Variants in TMEM114 observed in about 807,000 individuals in gnomAD.
The protein encoded by TMEM114 is transmembrane protein 114.
A neutral mutation model predicts 6.2 loss-of-function variants in TMEM114; 6 were observed. The ratio of observed to expected loss-of-function variants is 0.97; its 90% CI spans 0.53 to 1.91. The LOEUF is 1.91. Ranked by LOEUF, TMEM114 falls within the 40% of genes most tolerant of loss-of-function variation. TMEM114 has a pLI of 0.01. For missense variants in TMEM114, 218 were observed against 158.3 expected, an observed-to-expected ratio of 1.38 and a Z score of -2.02; for synonymous variants, 104 against 73.0, an observed-to-expected ratio of 1.42 and a Z score of -2.16.
downstream of TMEM114, among the ~76,000 whole-genome samples, chr16:8,567,430 G>A (rs940985752): frequency 6.6e-6 from 1 of 152,214 alleles, no homozygotes; most frequent in African/African-American, 2.4e-5. Context: ...GCGAATGAAT[G>A]AGCTTATTCT....
the TMEM114 span, among the ~76,000 whole-genome samples, chr16:8,528,905 T>G: frequency 6.6e-6 from 1 of 152,184 alleles, no homozygotes; most frequent in African/African-American, 2.4e-5. Context: ...TCTGGTCATT[T>G]GAGTAATGCT....
rs1328167702 is a variant in TMEM114 at position 8,555,989 on chromosome 16, T to C, written n.213-18163A>G. Among the ~76,000 whole-genome samples, 3 of 152,238 alleles carry C rather than the reference T, an allele frequency of 2.0e-5. No homozygotes were observed. The East Asian group carries it at 5.8e-4, about 29-fold the overall frequency. On this transcript the variant is annotated intron_variant and non_coding_transcript_variant, in intron 2 of 2. Coordinates refer to the TMEM114 transcript ENST00000623677. ...GTGTCTGAAGCGCTGTCTTCCAGCA[T>C]GAATTTACTATCTACTCCCCTCCTT...
At chr16:8,548,694 G>GTGTATATATATA (rs1555461967) in intron 2 of TMEM114, among the ~76,000 whole-genome samples, 4 of 140,006 alleles carry the variant, frequency 2.9e-5, no homozygotes, top group African/African-American at 8.5e-5. Context: ...AAATTGCCAT[G>GTGTATATATATA]TATATATATA....
chr16:8,583,910 C>A (rs1336909574), intron 2 of TMEM114, among the ~76,000 whole-genome samples: 4 of 152,218 alleles, frequency 2.6e-5, no homozygotes, highest in African/African-American at 9.6e-5. Flanking sequence ...ATCTGTGGAG[C>A]TGATCCCAAC....
At chr16:8,553,937 G>T (rs112818632) in intron 2 of TMEM114, among the ~76,000 whole-genome samples, 2,973 of 150,958 alleles carry the variant, frequency 0.02, 97 homozygotes, top group African/African-American at 0.069. Context: ...AGAGTACAGT[G>T]GTGCAATCTC....
chr16:8,541,549 T>G (rs1484192406), intron 2 of TMEM114, among the ~76,000 whole-genome samples: 2 of 151,718 alleles, frequency 1.3e-5, no homozygotes, highest in African/African-American at 4.9e-5. Flanking sequence ...AACCAATGCC[T>G]CATTCTGCTA....
At chr16:8,570,895 C>T (rs1172566943) in intron 3 of TMEM114, among the ~76,000 whole-genome samples, 1 of 152,210 alleles carries the variant, frequency 6.6e-6, no homozygotes, top group African/African-American at 2.4e-5. Context: ...TGGTTTGCAG[C>T]TCCCGATGCT....
intron 2 of TMEM114, among the ~76,000 whole-genome samples, chr16:8,543,002 C>G (rs1900558837): frequency 6.6e-6 from 1 of 152,204 alleles, no homozygotes; most frequent in African/African-American, 2.4e-5. Context: ...TAACTCCTAG[C>G]CAGGAGAAAA....
intron 2 of TMEM114, among the ~76,000 whole-genome samples, chr16:8,545,492 T>G (rs77953403): frequency 0.052 from 7,882 of 152,208 alleles, 416 homozygotes; most frequent in East Asian, 0.15. Flanking sequence ...CATCACCTAT[T>G]GCTATCAAGT....
At chr16:8,560,822 G>A (rs1030642445) in intron 2 of TMEM114, among the ~76,000 whole-genome samples, 10 of 152,162 alleles carry the variant, frequency 6.6e-5, no homozygotes, top group Non-Finnish European at 1.3e-4. Context: ...CTGAGGCTGG[G>A]TGTATTAGTC....
intron 2 of TMEM114, among the ~76,000 whole-genome samples, chr16:8,542,430 C>A (rs1359709144): frequency 6.6e-6 from 1 of 152,150 alleles, no homozygotes; most frequent in Non-Finnish European, 1.5e-5. Context: ...ATTTTAAATT[C>A]CCAAGTCTGC....
chr16:8,562,149 T>A (rs1265961917), intron 2 of TMEM114, among the ~76,000 whole-genome samples: 1 of 149,636 alleles, frequency 6.7e-6, no homozygotes, highest in East Asian at 2.0e-4. Context: ...AGTGAGTTAG[T>A]GAATAAGTGA....
At position 8,590,463 on chromosome 16, in the gene TMEM114, C is replaced by T. The variant is rs1902446276; in HGVS notation, c.-625G>A. On this transcript the variant is annotated 5_prime_UTR_variant, in exon 1 of 4. Coordinates refer to ENST00000620492, the MANE Select transcript of TMEM114 (RefSeq NM_001146336.2). ...CCCGCAGCTCCTGCTCTGGCCGGGG[C>T]GCAGCTGACCCTCTGAGCCCTCCTC... Among the ~76,000 whole-genome samples the T allele has an allele frequency of 6.6e-6, 1 of 152,224 alleles. No homozygotes were observed. The highest frequency in any genetic ancestry group is 2.4e-5 in the African/African-American group (1 of 41,458).
chr16:8,580,947 C>G (rs571626015), intron 2 of TMEM114, among the ~76,000 whole-genome samples: 4 of 152,168 alleles, frequency 2.6e-5, no homozygotes, highest in Non-Finnish European at 5.9e-5. Context: ...CTGCCTCGGC[C>G]TCCCAAAGTG....
rs61728636 is a variant in TMEM114 at position 8,563,051 on chromosome 16, G to GAGTGAATGAGTA, written n.213-25237_213-25226dup. Among the ~76,000 whole-genome samples the GAGTGAATGAGTA allele has an allele frequency of 7.2e-4, 95 of 132,448 alleles. 3 individuals are homozygous for GAGTGAATGAGTA. The highest frequency in any genetic ancestry group is 2.7e-3 in the African/African-American group (93 of 34,452). The allele number at this position is 132,448 out of a possible 152,430, so 86.9% of individuals were successfully genotyped here. A position where few individuals can be genotyped will look rare whatever the true frequency, so the allele number is the denominator to read the frequency against. ...GAATGAGTGAGTGAATGAGTAAATT[G>GAGTGAATGAGTA]AGTGAATGAGTAAGTGAATGAGTAA... On this transcript the variant is annotated intron_variant and non_coding_transcript_variant, in intron 2 of 2. Coordinates refer to the TMEM114 transcript ENST00000623677.
At chr16:8,565,178 A>G (rs1163228022), downstream of TMEM114, among the ~76,000 whole-genome samples, 3 of 152,130 alleles carry the variant, frequency 2.0e-5, no homozygotes, top group Non-Finnish European at 4.4e-5. Flanking sequence ...TGGATGGATG[A>G]GTGAATTGAT....
At chr16:8,534,698 G>C (rs1292496447), downstream of TMEM114, among the ~76,000 whole-genome samples, 1 of 152,186 alleles carries the variant, frequency 6.6e-6, no homozygotes, top group Non-Finnish European at 1.5e-5. Context: ...CAAGTCCTTT[G>C]ATCCTCAGGA....
downstream of TMEM114, among the ~76,000 whole-genome samples, chr16:8,565,855 CTGG>C (rs1450402238): frequency 6.6e-6 from 1 of 152,172 alleles, no homozygotes; most frequent in Non-Finnish European, 1.5e-5. Flanking sequence ...GTGCTAGCAA[CTGG>C]TTGTTTTTTA....
chr16:8,582,880 C>G (rs765945476), intron 2 of TMEM114, among the ~76,000 whole-genome samples: 2 of 151,280 alleles, frequency 1.3e-5, no homozygotes, highest in Non-Finnish European at 2.9e-5. Context: ...GCCTGGGCAA[C>G]AGAGTGAGAC....
Sources: gnomAD v4.1 joint callset for allele counts (sites outside exome capture counted in the v4.1 genomes callset) on GRCh38, gnomAD v4.1.1 for gene constraint, MANE v1.5 for transcripts, NCBI Gene and HGNC (gene_info 2026-07-23, HGNC 2026-07-21) for gene names.